STPG2: variants seen among roughly 807,000 people sequenced by gnomAD.
STPG2 encodes the protein sperm tail PG-rich repeat containing 2.
A neutral mutation model predicts 54.2 loss-of-function variants in STPG2; 56 were observed. The ratio of observed to expected loss-of-function variants is 1.03; its 90% confidence interval spans 0.83 to 1.29. The LOEUF (loss-of-function observed/expected upper bound fraction) is 1.29. STPG2 is among the 50% of genes most tolerant of loss of function. The pLI, the probability that STPG2 is intolerant of heterozygous loss-of-function variation, is 0.00. For synonymous variants in STPG2, 200 were observed against 181.8 expected, an observed-to-expected ratio of 1.10 and a Z score of -0.81; for missense variants, 596 against 544.9, an observed-to-expected ratio of 1.09 and a Z score of -0.93.
At chr4:98,091,993 T>C (rs1738708068) in intron 5 of STPG2, among the ~76,000 whole-genome samples, 1 of 152,052 alleles carries the variant, frequency 6.6e-6, no homozygotes, top group Non-Finnish European at 1.5e-5. Flanking sequence ...ATTTATTTTA[T>C]ACACATCTTA....
intron 4 of STPG2, among the ~76,000 whole-genome samples, chr4:97,496,951 A>G (rs759783377): frequency 7.3e-5 from 11 of 151,316 alleles, no homozygotes; most frequent in Non-Finnish European, 1.6e-4. Flanking sequence ...ATGCTATTAA[A>G]AATAATCAAT....
At chr4:97,710,252 G>C (rs761719906) in intron 10 of STPG2, among the ~76,000 whole-genome samples, 2 of 151,924 alleles carry the variant, frequency 1.3e-5, no homozygotes, top group Admixed American at 1.3e-4. Context: ...ATTGAAATAA[G>C]ATGGGCAAAG....
intron 7 of STPG2, among the ~76,000 whole-genome samples, chr4:97,965,706 G>T (rs1009463315): frequency 6.6e-6 from 1 of 152,198 alleles, no homozygotes; most frequent in African/African-American, 2.4e-5. Context: ...GTCTCCGCTG[G>T]TGATAACCTG....
chr4:98,120,620 T>C (rs1739651591), intron 3 of STPG2, among the ~76,000 whole-genome samples: 1 of 152,222 alleles, frequency 6.6e-6, no homozygotes, highest in African/African-American at 2.4e-5. Flanking sequence ...TGGTGTGAGA[T>C]GGTATCTCAT....
At chr4:97,650,304 C>T (rs767428089) in intron 10 of STPG2, among the ~76,000 whole-genome samples, 17 of 152,116 alleles carry the variant, frequency 1.1e-4, no homozygotes, top group Middle Eastern at 3.4e-3. Context: ...AAATAGATGT[C>T]GATGAAAAGA....
In STPG2 at chr4:97,463,862, C is replaced by T. The variant is rs149376408; in HGVS notation, c.462+248837G>A. On this transcript the variant is annotated intron_variant, in intron 4 of 4. Transcript: ENST00000522676. ...TTTTTCAGATTTCCTTAGCATTCAT[C>T]GAATGTTCTTTTTCTATTCTGAGAT... 5.3e-5 allele frequency among the ~76,000 whole-genome samples: 8 copies of T among 152,224 alleles called. No homozygotes were observed. In the South Asian group the frequency reaches 6.2e-4, roughly 12 times the overall value.
chr4:97,535,496 T>A (rs1273308025), intron 4 of STPG2, among the ~76,000 whole-genome samples: 3 of 152,180 alleles, frequency 2.0e-5, no homozygotes, highest in African/African-American at 7.2e-5. Context: ...TTCATTTCCA[T>A]TTTTGAAGGG....
chr4:97,459,586 C>T (rs1729612072), intron 4 of STPG2, among the ~76,000 whole-genome samples: 1 of 151,890 alleles, frequency 6.6e-6, no homozygotes, highest in Non-Finnish European at 1.5e-5. Flanking sequence ...ACTACAGCTG[C>T]CCACCACCAT....
chr4:97,572,639 G>A (rs768348441), intron 10 of STPG2: 6 of 152,100 alleles, frequency 3.9e-5, no homozygotes, highest in Non-Finnish European at 8.8e-5. Flanking sequence ...TCCCATGACT[G>A]CTACTCACAG....
chr4:97,684,516 G>A (rs1361275473), intron 10 of STPG2, among the ~76,000 whole-genome samples: 1 of 151,842 alleles, frequency 6.6e-6, no homozygotes, highest in African/African-American at 2.4e-5. Flanking sequence ...AATGGTTCCG[G>A]AAAAAGTGGA....
intron 9 of STPG2, among the ~76,000 whole-genome samples, chr4:97,715,849 C>T (rs1028340661): frequency 1.3e-5 from 2 of 152,002 alleles, no homozygotes; most frequent in Admixed American, 6.6e-5. Context: ...CAAATAGGAC[C>T]TAATTAAACT....
intron 8 of STPG2, among the ~76,000 whole-genome samples, chr4:97,910,276 T>C (rs1370617532): frequency 6.6e-6 from 1 of 152,188 alleles, no homozygotes; most frequent in Non-Finnish European, 1.5e-5. Context: ...AGGCAGCACC[T>C]TGCCTCTTCC....
intron 9 of STPG2, among the ~76,000 whole-genome samples, chr4:97,749,148 T>C (rs975187587): frequency 6.6e-6 from 1 of 151,668 alleles, no homozygotes; most frequent in African/African-American, 2.4e-5. Flanking sequence ...AAGTGATTCA[T>C]GGTTACATGG....
In STPG2 at chr4:98,050,733, C is replaced by T. The variant is rs373409597; in HGVS notation, c.612+55220G>A. Reference sequence around the variant, plus strand: ...TTTTTAACGAAAAGGAAGCCGGGCGCGGTGGCTCACGCCTGTAATCCCAGC... The same window carrying T: ...TTTTTAACGAAAAGGAAGCCGGGCGTGGTGGCTCACGCCTGTAATCCCAGC... On this transcript the variant is annotated intron_variant, in intron 5 of 10. Transcript: ENST00000295268. 1.1e-4 allele frequency among the ~76,000 whole-genome samples: 16 copies of T among 152,204 alleles called. No individual in the cohort carries two copies. In the East Asian group the frequency reaches 1.2e-3, roughly 11 times the overall value.
chr4:97,937,444 C>T (rs967101800), intron 8 of STPG2, among the ~76,000 whole-genome samples: 3 of 152,102 alleles, frequency 2.0e-5, no homozygotes, highest in East Asian at 1.9e-4. Context: ...GTGATCATTT[C>T]GAGGAGAAGA....
At chr4:97,652,454 T>A (rs1156859478) in intron 10 of STPG2, among the ~76,000 whole-genome samples, 3 of 151,706 alleles carry the variant, frequency 2.0e-5, no homozygotes, top group Non-Finnish European at 2.9e-5. Context: ...CTTGCTAGTA[T>A]ATGTTCTTAC....
chr4:97,834,970 A>AG (rs1560546634), intron 9 of STPG2, among the ~76,000 whole-genome samples: 1 of 152,022 alleles, frequency 6.6e-6, no homozygotes, highest in Non-Finnish European at 1.5e-5. Context: ...GTTCTCTTAT[A>AG]AAAGGGAGGG....
At chr4:97,443,431 G>T (rs971681026) in intron 4 of STPG2, among the ~76,000 whole-genome samples, 4 of 152,088 alleles carry the variant, frequency 2.6e-5, no homozygotes, top group Non-Finnish European at 5.9e-5. Flanking sequence ...CTGGTATAGG[G>T]TTATCAGGAT....
At chr4:97,532,120 A>T (rs17026763) in intron 4 of STPG2, among the ~76,000 whole-genome samples, 5,250 of 152,224 alleles carry the variant, frequency 0.034, 306 homozygotes, top group African/African-American at 0.12. Flanking sequence ...TTTTGTATGT[A>T]ATGTTTGACA....
Sources: gnomAD v4.1 joint callset for allele counts (sites outside exome capture counted in the v4.1 genomes callset) on GRCh38, gnomAD v4.1.1 for gene constraint, MANE v1.5 for transcripts, NCBI Gene and HGNC (gene_info 2026-07-23, HGNC 2026-07-21) for gene names.